The following GPHN variants were observed in gnomAD, a reference collection of about 807,000 sequenced individuals.
The protein encoded by GPHN is gephyrin.
A neutral mutation model predicts 95.5 loss-of-function variants in GPHN; 17 were observed. The observed-to-expected ratio is 0.18, with a 90% CI of 0.12 to 0.27. The LOEUF is 0.27. GPHN is among the 10% of genes least tolerant of loss of function. GPHN has a pLI of 1.00. For missense variants in GPHN, 660 were observed against 978.1 expected (o/e 0.67, Z 4.34); for synonymous variants, 320 against 322.5 (o/e 0.99, Z 0.08).
chr14:67,408,386 T>G, the GPHN span, among the ~76,000 whole-genome samples: 1 of 151,246 alleles, frequency 6.6e-6, no homozygotes, highest in Non-Finnish European at 1.5e-5. Context: ...GGGATGATAC[T>G]TGCTATGGGT....
the GPHN span, among the ~76,000 whole-genome samples, chr14:67,505,221 T>C: frequency 8.5e-5 from 13 of 152,218 alleles, no homozygotes; most frequent in South Asian, 2.7e-3. Flanking sequence ...GGGCAGAGAC[T>C]GGGGAAAAAT....
At chr14:66,951,203 T>C (rs1268657320) in intron 8 of GPHN, among the ~76,000 whole-genome samples, 1 of 151,776 alleles carries the variant, frequency 6.6e-6, no homozygotes, top group African/African-American at 2.4e-5. Flanking sequence ...AGTTTTTAAG[T>C]GGTGTGCGTG....
intron 8 of GPHN, among the ~76,000 whole-genome samples, chr14:66,929,561 A>G (rs1366551928): frequency 6.6e-6 from 1 of 152,154 alleles, no homozygotes; most frequent in Non-Finnish European, 1.5e-5. Flanking sequence ...TTATCATTAT[A>G]AAATGACCTT....
the GPHN span, chr14:67,360,300 A>G: frequency 3.8e-5 from 15 of 398,530 alleles, no homozygotes; most frequent in Non-Finnish European, 6.2e-5. Flanking sequence ...CTATTCGTTC[A>G]GCGCTTGCGC....
the GPHN span, chr14:67,684,411 T>C: frequency 6.6e-6 from 1 of 152,136 alleles, no homozygotes; most frequent in African/African-American, 2.4e-5. Context: ...GAATTGGCCA[T>C]GGGTTAATGG....
intron 1 of GPHN, among the ~76,000 whole-genome samples, chr14:66,625,225 C>T (rs577749773): frequency 2.0e-5 from 3 of 152,016 alleles, no homozygotes; most frequent in Admixed American, 6.6e-5. Flanking sequence ...ACTACAAACA[C>T]GCACCACCAC....
the GPHN span, chr14:67,695,803 C>T: frequency 1.8e-6 from 2 of 1,127,724 alleles, no homozygotes; most frequent in East Asian, 2.5e-5. Flanking sequence ...TGCGACAGCC[C>T]GGGGAGCAGA....
At chr14:67,655,156 A>G in the GPHN span, among the ~76,000 whole-genome samples, 1 of 152,108 alleles carries the variant, frequency 6.6e-6, no homozygotes, top group Non-Finnish European at 1.5e-5. Flanking sequence ...CTTTGGCAAC[A>G]TAATGAGACC....
At chr14:66,838,039 T>C (rs1395064533) in intron 4 of GPHN, among the ~76,000 whole-genome samples, 1 of 152,090 alleles carries the variant, frequency 6.6e-6, no homozygotes, top group African/African-American at 2.4e-5. Context: ...TTAATTCTGC[T>C]CTGTAATGGG....
At chr14:66,684,130 A>G (rs1454392038) in intron 2 of GPHN, among the ~76,000 whole-genome samples, 1 of 152,162 alleles carries the variant, frequency 6.6e-6, no homozygotes, top group Non-Finnish European at 1.5e-5. Flanking sequence ...AATGCTATGT[A>G]TGTTGATGTG....
At chr14:67,342,549 G>A in the GPHN span, among the ~76,000 whole-genome samples, 9 of 143,366 alleles carry the variant, frequency 6.3e-5, no homozygotes, top group East Asian at 1.9e-3. Context: ...TAAGAACTAC[G>A]AATTATCCTT....
the GPHN span, among the ~76,000 whole-genome samples, chr14:67,431,070 C>A: frequency 6.6e-6 from 1 of 152,102 alleles, no homozygotes; most frequent in Non-Finnish European, 1.5e-5. Flanking sequence ...TTCTAGTTCA[C>A]CAAATCTGGG....
intron 21 of GPHN, among the ~76,000 whole-genome samples, chr14:67,172,093 T>TAGAG (rs2082633955): frequency 6.6e-6 from 1 of 152,108 alleles, no homozygotes; most frequent in African/African-American, 2.4e-5. Context: ...GAACTATGGC[T>TAGAG]AGAGTTTTTC....
the GPHN span, among the ~76,000 whole-genome samples, chr14:67,448,923 A>G: frequency 6.6e-6 from 1 of 152,214 alleles, no homozygotes; most frequent in African/African-American, 2.4e-5. Flanking sequence ...GATTCTCTTC[A>G]TGGCTGTGAA....
the GPHN span, among the ~76,000 whole-genome samples, chr14:67,466,311 A>C: frequency 6.6e-6 from 1 of 152,250 alleles, no homozygotes; most frequent in African/African-American, 2.4e-5. Flanking sequence ...CCAAACCAAG[A>C]AAGTGTATTA....
the GPHN span, chr14:67,674,762 C>T: frequency 3.1e-6 from 1 of 319,646 alleles, no homozygotes; most frequent in Non-Finnish European, 5.7e-6. Context: ...GGTGCCGCGC[C>T]GGGGCGATCG....
chr14:67,162,187 A>G (rs1437755560), intron 19 of GPHN, among the ~76,000 whole-genome samples: 1 of 152,272 alleles, frequency 6.6e-6, no homozygotes, highest in East Asian at 1.9e-4. Context: ...TACAGAAATT[A>G]CATTACCTAC....
intron 1 of GPHN, among the ~76,000 whole-genome samples, chr14:66,526,704 G>A (rs148004034): frequency 0.013 from 2,026 of 152,078 alleles, 21 homozygotes; most frequent in Non-Finnish European, 0.02. Context: ...GAATTTTGTC[G>A]AAGGCCTTTT....
At chr14:66,652,293 T>C (rs1448715270) in intron 1 of GPHN, among the ~76,000 whole-genome samples, 1 of 152,202 alleles carries the variant, frequency 6.6e-6, no homozygotes, top group African/African-American at 2.4e-5. Context: ...TGATGCATCC[T>C]GTGTCATATA....
Sources: gnomAD v4.1 joint callset for allele counts (sites outside exome capture counted in the v4.1 genomes callset) on GRCh38, gnomAD v4.1.1 for gene constraint, MANE v1.5 for transcripts, NCBI Gene and HGNC (gene_info 2026-07-23, HGNC 2026-07-21) for gene names.